HECW1: variants seen among roughly 807,000 people sequenced by gnomAD.
The protein encoded by HECW1 is HECT, C2 and WW domain containing E3 ubiquitin protein ligase 1, also known as E3 ubiquitin-protein ligase HECW1.
A neutral mutation model predicts 182.3 loss-of-function variants in HECW1; 61 were observed. The ratio of observed to expected loss-of-function variants is 0.33; its 90% CI spans 0.27 to 0.41. HECW1 has a LOEUF of 0.41. HECW1 is among the 10% of genes least tolerant of loss of function. The pLI, the probability that HECW1 is intolerant of heterozygous loss-of-function variation, is 1.00. For synonymous variants in HECW1, 859 were observed against 832.6 expected, an observed-to-expected ratio of 1.03 and a Z score of -0.55; for missense variants, 1,739 against 2,108.9, an observed-to-expected ratio of 0.82 and a Z score of 3.44.
intron 2 of HECW1, among the ~76,000 whole-genome samples, chr7:43,178,023 T>C (rs900313792): frequency 6.6e-6 from 1 of 152,194 alleles, no homozygotes; most frequent in African/African-American, 2.4e-5. Context: ...TTTGGTTTGG[T>C]TTTTGAGACA....
At chr7:43,142,466 G>A (rs1477931794) in intron 2 of HECW1, among the ~76,000 whole-genome samples, 2 of 152,080 alleles carry the variant, frequency 1.3e-5, no homozygotes, top group Non-Finnish European at 2.9e-5. Flanking sequence ...CCTCCCTTCC[G>A]AGGGTCGAGG....
chr7:43,471,068 G>A (rs1440099869), intron 16 of HECW1, among the ~76,000 whole-genome samples: 1 of 152,208 alleles, frequency 6.6e-6, no homozygotes, highest in Non-Finnish European at 1.5e-5. Flanking sequence ...AAGTTAATAA[G>A]TTAATGAAGG....
intron 24 of HECW1, among the ~76,000 whole-genome samples, chr7:43,530,823 C>T (rs2080953084): frequency 1.3e-5 from 2 of 151,966 alleles, no homozygotes; most frequent in Admixed American, 1.3e-4. Context: ...GGCATGATGC[C>T]CTTGACATAT....
intron 3 of HECW1, among the ~76,000 whole-genome samples, chr7:43,308,077 A>AAT (rs1562812790): frequency 2.8e-5 from 3 of 107,824 alleles, no homozygotes; most frequent in African/African-American, 1.2e-4. Flanking sequence ...ATATAAATAT[A>AAT]ATATATTATA....
At chr7:43,395,728 G>A (rs1048994265) in intron 6 of HECW1, among the ~76,000 whole-genome samples, 1 of 152,162 alleles carries the variant, frequency 6.6e-6, no homozygotes, top group Non-Finnish European at 1.5e-5. Flanking sequence ...CTCACCAGGG[G>A]CACCTGCTTC....
intron 16 of HECW1, among the ~76,000 whole-genome samples, chr7:43,471,601 C>T (rs750712992): frequency 1.3e-5 from 2 of 152,210 alleles, no homozygotes; most frequent in East Asian, 1.9e-4. Flanking sequence ...TGGCATCTGA[C>T]TCATCTGCCA....
intron 2 of HECW1, among the ~76,000 whole-genome samples, chr7:43,184,549 G>A (rs1194237382): frequency 6.6e-6 from 1 of 152,154 alleles, no homozygotes; most frequent in Non-Finnish European, 1.5e-5. Context: ...GACGTCCCTA[G>A]ATAGCTTCAG....
intron 7 of HECW1, among the ~76,000 whole-genome samples, chr7:43,398,020 G>A (rs900604942): frequency 6.6e-6 from 1 of 152,190 alleles, no homozygotes. Context: ...ACTTTGGGAG[G>A]CCAAGGTGAG....
chr7:43,213,431 T>A (rs558628548), intron 2 of HECW1, among the ~76,000 whole-genome samples: 185 of 149,786 alleles, frequency 1.2e-3, no homozygotes, highest in African/African-American at 4.2e-3. Context: ...GAGCTGGTGA[T>A]CATAAGAATT....
chr7:43,446,240 T>G (rs150960196), intron 11 of HECW1, among the ~76,000 whole-genome samples: 1 of 152,306 alleles, frequency 6.6e-6, no homozygotes, highest in East Asian at 1.9e-4. Flanking sequence ...TTGTTTCCAA[T>G]AAGAATCAAA....
rs17172181 is a variant in HECW1, at chr7:43,243,516, C to A, written c.-31-359C>A. Among the ~76,000 whole-genome samples the A allele has an allele frequency of 0.32, 48,532 of 151,806 alleles. 8,322 individuals are homozygous for A. Among genetic ancestry groups the A allele is most frequent in the African/African-American group, 0.43 (17,867 of 41,342 alleles). The stretch of plus-strand genomic sequence containing the variant: ...GTGGATCATATGTGAGGATGCTTTT[C>A]GCTGGCCTTCTCAGACGGCTGGGAG... On this transcript the variant is annotated intron_variant, in intron 2 of 29. Coordinates refer to ENST00000395891, the MANE Select transcript of HECW1 (RefSeq NM_015052.5). This position sits in a 1 kb window ranked among gnomAD's most constrained non-coding sequence, Gnocchi z 4.0.
chr7:43,412,445 A>ATTTATTTG (rs2152849258), intron 8 of HECW1, among the ~76,000 whole-genome samples: 1 of 150,232 alleles, frequency 6.7e-6, no homozygotes, highest in Admixed American at 6.6e-5. Context: ...TTATTTATTT[A>ATTTATTTG]TTTATTTATT....
At chr7:43,156,775 G>A (rs1375574404) in intron 2 of HECW1, among the ~76,000 whole-genome samples, 1 of 152,148 alleles carries the variant, frequency 6.6e-6, no homozygotes, top group Non-Finnish European at 1.5e-5. Context: ...TGGAATAAGT[G>A]GAAGTGATGT....
intron 26 of HECW1, among the ~76,000 whole-genome samples, chr7:43,544,757 G>A (rs564481041): frequency 6.6e-6 from 1 of 152,262 alleles, no homozygotes; most frequent in Non-Finnish European, 1.5e-5. Flanking sequence ...ACTAAATGAA[G>A]TAGTGAAATC....
chr7:43,209,478 C>T (rs776510498), intron 2 of HECW1, among the ~76,000 whole-genome samples: 9 of 152,146 alleles, frequency 5.9e-5, no homozygotes, highest in Non-Finnish European at 1.3e-4. Context: ...GGGTATCTCG[C>T]GGCTCCTGTC....
At chr7:43,519,013 C>T (rs1467903086) in intron 24 of HECW1, among the ~76,000 whole-genome samples, 1 of 152,134 alleles carries the variant, frequency 6.6e-6, no homozygotes, top group African/African-American at 2.4e-5. Context: ...AAAGTTATCT[C>T]ATAGAAACAA....
chr7:43,187,256 A>C, intron 2 of HECW1, among the ~76,000 whole-genome samples: 1 of 152,232 alleles, frequency 6.6e-6, no homozygotes, highest in South Asian at 2.1e-4. Context: ...GATGTCTTTT[A>C]AGACCTGGTC....
Position 43,512,572 on chromosome 7 carries a change from T to C in HECW1, c.4019+3451T>C, listed in dbSNP as rs368830262. Among the ~76,000 whole-genome samples the C allele has an allele frequency of 1.8e-4, 27 of 152,374 alleles. No homozygotes were observed. The East Asian group carries it at 4.4e-3, about 25-fold the overall frequency. ...AGCATAATTTTATATGTTATCATAA[T>C]CATTAATAAAAATTAGATGAATTTA... On this transcript the variant is annotated intron_variant, in intron 24 of 29. Transcript: ENST00000395891.
chr7:43,466,424 T>G, intron 14 of HECW1, 23 bp from the exon 15 acceptor site: 3 of 1,612,068 alleles, frequency 1.9e-6, no homozygotes, highest in Non-Finnish European at 2.5e-6. Context: ...TGCATTCTGT[T>G]GCTTTGCTTC....
Sources: gnomAD v4.1 joint callset for allele counts (sites outside exome capture counted in the v4.1 genomes callset) on GRCh38, gnomAD v4.1.1 for gene constraint, Gnocchi (gnomAD v3.1) non-coding constraint, MANE v1.5 for transcripts, NCBI Gene and HGNC (gene_info 2026-07-23, HGNC 2026-07-21) for gene names.